Variants in ATP6V0A1 observed in about 807,000 individuals in gnomAD.
ATP6V0A1 encodes the protein V-type proton ATPase 116 kDa subunit a 1.
Under a neutral mutation model 105.4 loss-of-function variants are expected in ATP6V0A1, and 43 were observed. The ratio of observed to expected loss-of-function variants is 0.41; its 90% CI spans 0.32 to 0.53. ATP6V0A1 has a LOEUF of 0.53. Ranked by LOEUF, ATP6V0A1 falls within the 20% of genes least tolerant of loss-of-function variation. The pLI is 0.30. For missense variants in ATP6V0A1, 676 were observed against 1,051.1 expected (o/e 0.64, Z 4.93); for synonymous variants, 362 against 372.8 (o/e 0.97, Z 0.33).
chr17:42,491,112 G>A (rs950993033), intron 11 of ATP6V0A1, among the ~76,000 whole-genome samples: 2 of 151,896 alleles, frequency 1.3e-5, no homozygotes, highest in African/African-American at 4.8e-5. Context: ...GTCTTGTTAT[G>A]TTGCCCAAGC....
intron 5 of ATP6V0A1, among the ~76,000 whole-genome samples, chr17:42,475,913 T>C (rs997037900): frequency 6.6e-6 from 1 of 152,204 alleles, no homozygotes; most frequent in Non-Finnish European, 1.5e-5. Flanking sequence ...TACTGTTTGC[T>C]TTTCCATCAG....
chr17:42,469,734 C>T (rs2087626847), intron 4 of ATP6V0A1, among the ~76,000 whole-genome samples: 1 of 152,058 alleles, frequency 6.6e-6, no homozygotes, highest in Admixed American at 6.6e-5. Flanking sequence ...CCTCCACCTC[C>T]CGGGTTCAAG....
chr17:42,493,793 G>A (rs1023674224), intron 11 of ATP6V0A1, among the ~76,000 whole-genome samples: 8 of 152,052 alleles, frequency 5.3e-5, no homozygotes, highest in African/African-American at 1.9e-4. Context: ...CAGCCTGGGT[G>A]GCAGAGAAAG....
Position 42,500,921 on chromosome 17 carries a change from C to T in ATP6V0A1, c.1894C>T (p.Gln632Ter). 1 of 1,609,312 alleles carries T rather than the reference C, an allele frequency of 6.2e-7. No homozygotes were observed. The highest frequency in any genetic ancestry group is 8.5e-7 in the Non-Finnish European group (1 of 1,175,648). Residue 632 changes from glutamine (Q) to a stop codon, truncating the protein, a stop_gained and splice_region_variant, in exon 16 of 22, where the codon CAG becomes TAG. Coordinates refer to ENST00000343619, the MANE Select transcript of ATP6V0A1 (RefSeq NM_001130021.3). LOFTEE classifies it high-confidence loss of function. ...ESGYSMLYSGQKGIQCFLVVV... is the reference protein window; with the variant it reads ...ESGYSMLYSG ...TGGTTATTCAATGTTGTATTCTGGA[C>T]AGGTACGTCAGCCCAGAGGCAGACT...
intron 2 of ATP6V0A1, 109 bp downstream of exon 2, chr17:42,461,120 G>T: frequency 1.1e-6 from 1 of 892,828 alleles, no homozygotes; most frequent in East Asian, 2.5e-5. Context: ...TAACATTATA[G>T]CACTGACTTC....
At chr17:42,517,281 AAACAACAAC>A (rs547241454) in intron 21 of ATP6V0A1, among the ~76,000 whole-genome samples, 7 of 149,694 alleles carry the variant, frequency 4.7e-5, no homozygotes, top group Non-Finnish European at 7.4e-5. Flanking sequence ...CTCCGTCTCA[AAACAACAAC>A]AACAACAACA....
chr17:42,460,801 G>A (rs2086316308), intron 1 of ATP6V0A1, 47 bp from the exon 2 acceptor site: 1 of 987,428 alleles, frequency 1.0e-6, no homozygotes, highest in African/African-American at 1.6e-5. Flanking sequence ...TTTGCTCTTA[G>A]CCCTCGTGGT....
chr17:42,513,764 C>T (rs1599136740), intron 19 of ATP6V0A1, 97 bp from the exon 20 acceptor site: 11 of 1,175,110 alleles, frequency 9.4e-6, no homozygotes, highest in Non-Finnish European at 1.4e-5. Context: ...GTCCCCTGCC[C>T]TGGCCCAGGT....
intron 17 of ATP6V0A1, among the ~76,000 whole-genome samples, chr17:42,505,514 A>G (rs1323826216): frequency 6.7e-6 from 1 of 149,788 alleles, no homozygotes; most frequent in African/African-American, 2.5e-5. Flanking sequence ...TAATTTTTGG[A>G]TTTTTAGGAG....
At position 42,516,910 on chromosome 17, in the gene ATP6V0A1, GA is replaced by G. The variant is rs535310571; in HGVS notation, c.2420+2452del. On this transcript the variant is annotated intron_variant, in intron 21 of 21. Transcript: ENST00000343619. ...TGCCAAGATTACTGTGAGCAAGTAG[GA>G]AGTAATGCACACACCAAGTGCTGCC... is the stretch of plus-strand genomic sequence containing the variant. 5.3e-5 allele frequency among the ~76,000 whole-genome samples: 8 copies of G among 152,352 alleles called. No homozygotes were observed. The South Asian group carries it at 1.4e-3, about 28-fold the overall frequency.
chr17:42,465,636 G>A (rs2086954450), intron 2 of ATP6V0A1, among the ~76,000 whole-genome samples: 1 of 151,562 alleles, frequency 6.6e-6, no homozygotes. Context: ...GTTTTTATTT[G>A]TATATTCCAG....
intron 3 of ATP6V0A1, among the ~76,000 whole-genome samples, chr17:42,467,495 G>A (rs946171411): frequency 1.3e-5 from 2 of 152,172 alleles, no homozygotes; most frequent in East Asian, 3.9e-4. Flanking sequence ...GGTATTTTGT[G>A]TCCTTATTAC....
intron 1 of ATP6V0A1, among the ~76,000 whole-genome samples, chr17:42,459,864 T>G (rs900473201): frequency 6.6e-6 from 1 of 152,232 alleles, no homozygotes; most frequent in Admixed American, 6.5e-5. Context: ...AAATCTTCCT[T>G]TGATGTCAGA....
chr17:42,488,876 A>G (rs962681000), intron 10 of ATP6V0A1, among the ~76,000 whole-genome samples: 2 of 151,250 alleles, frequency 1.3e-5, no homozygotes, highest in Admixed American at 6.6e-5. Context: ...TTAGCCAGGT[A>G]TGGTGGTGGG....
At chr17:42,510,828 G>A (rs2092313121) in intron 19 of ATP6V0A1, 1 of 152,266 alleles carries the variant, frequency 6.6e-6, no homozygotes, top group Non-Finnish European at 1.5e-5. Flanking sequence ...ATCATCTGAT[G>A]TGATTCAGGA....
intron 19 of ATP6V0A1, among the ~76,000 whole-genome samples, chr17:42,512,490 G>A (rs535714747): frequency 2.4e-4 from 37 of 152,280 alleles, no homozygotes; most frequent in Middle Eastern, 6.8e-3. Flanking sequence ...CACGGTGTTG[G>A]GATTTAGGGA....
rs376972869 is a variant in ATP6V0A1 at position 42,461,027 on chromosome 17, G to T, written c.117+16G>T. The stretch of plus-strand genomic sequence containing the variant: ...GTTTCGTGACGTAAGTAGTTGTGGG[G>T]CTGCGACTTGATTACTGCTGAACTC... On this transcript the variant is annotated intron_variant, in intron 2 of 21. Transcript: ENST00000343619. 2 of 1,592,776 alleles carry T rather than the reference G, an allele frequency of 1.3e-6. No homozygotes were observed. Among genetic ancestry groups the T allele is most frequent in the Admixed American group, 1.7e-5 (1 of 59,976 alleles).
intron 5 of ATP6V0A1, among the ~76,000 whole-genome samples, chr17:42,473,478 T>A (rs1397895641): frequency 1.3e-5 from 2 of 152,248 alleles, no homozygotes; most frequent in Non-Finnish European, 2.9e-5. Flanking sequence ...CGCTTTCATA[T>A]GCTCACAGAT....
In ATP6V0A1 at chr17:42,468,535, C is replaced by A. The variant is rs182078713; in HGVS notation, c.294+428C>A. On this transcript the variant is annotated intron_variant, in intron 4 of 21. Transcript: ENST00000343619. ...TAACCAACCTCTCTTCATCCCCCCA[C>A]AAACCCACACACCCTTCATAGCCTC... is the stretch of plus-strand genomic sequence containing the variant. Among the ~76,000 whole-genome samples, 869 of 152,278 alleles carry A rather than the reference C, an allele frequency of 5.7e-3. 9 individuals carry two copies. Among genetic ancestry groups the A allele is most frequent in the Non-Finnish European group, 4.0e-3 (272 of 68,030 alleles).
Sources: gnomAD v4.1 joint callset for allele counts (sites outside exome capture counted in the v4.1 genomes callset) on GRCh38, gnomAD v4.1.1 for gene constraint, MANE v1.5 for transcripts, NCBI Gene and HGNC (gene_info 2026-07-23, HGNC 2026-07-21) for gene names.